NAT2: variants seen among roughly 807,000 people sequenced by gnomAD.
The protein encoded by NAT2 is arylamine N-acetyltransferase 2.
For missense variants in NAT2, 428 were observed against 339.1 expected (o/e 1.26, Z -2.06); for synonymous variants, 137 against 125.9 (o/e 1.09, Z -0.59).
upstream of NAT2, among the ~76,000 whole-genome samples, chr8:18,388,636 T>C (rs976108493): frequency 2.0e-5 from 3 of 152,132 alleles, no homozygotes; most frequent in Non-Finnish European, 2.9e-5. Flanking sequence ...CAGTCAATTA[T>C]CAAACTTTAG....
chr8:18,390,342 T>G (rs774930997), upstream of NAT2, among the ~76,000 whole-genome samples: 4 of 152,072 alleles, frequency 2.6e-5, no homozygotes, highest in Non-Finnish European at 4.4e-5. Flanking sequence ...AAGAGTAGAA[T>G]AGTTAGAGTA....
intron 1 of NAT2, among the ~76,000 whole-genome samples, chr8:18,391,841 A>G (rs959992823): frequency 3.9e-5 from 6 of 152,234 alleles, no homozygotes; most frequent in Non-Finnish European, 8.8e-5. Context: ...AGAGATATTT[A>G]CCATCTGTTT....
At chr8:18,388,553 A>T (rs375532307), upstream of NAT2, among the ~76,000 whole-genome samples, 19 of 148,220 alleles carry the variant, frequency 1.3e-4, no homozygotes, top group East Asian at 2.2e-3. Context: ...ACCCTTCTTC[A>T]GAGAAGATCA....
chr8:18,388,898 T>C (rs890120358), upstream of NAT2, among the ~76,000 whole-genome samples: 2 of 152,176 alleles, frequency 1.3e-5, no homozygotes, highest in African/African-American at 2.4e-5. Context: ...ATAAAAAACT[T>C]TGATGAAGTC....
intron 1 of NAT2, among the ~76,000 whole-genome samples, chr8:18,397,609 A>C (rs904772747): frequency 2.0e-5 from 3 of 152,204 alleles, no homozygotes; most frequent in Admixed American, 2.0e-4. Flanking sequence ...GTCTTTCTGG[A>C]AACTGAGCTT....
chr8:18,400,701 G>A lies in NAT2; in HGVS notation c.698G>A (p.Cys233Tyr). The A allele has an allele frequency of 5.6e-6, 9 of 1,613,826 alleles. No homozygotes were observed. The highest frequency in any genetic ancestry group is 7.6e-6 in the Non-Finnish European group (9 of 1,179,942). Reference protein sequence around the residue: ...CSLQTPEGVYCLVGFILTYRK... With the variant: ...CSLQTPEGVYYLVGFILTYRK... ...TTGCAGACCCCAGAAGGGGTTTACT[G>A]TTTGGTGGGCTTCATCCTCACCTAT... Residue 233 changes from cysteine (C) to tyrosine (Y), a missense_variant, in exon 2 of 2, where the codon TGT becomes TAT. Coordinates refer to ENST00000286479, the MANE Select transcript of NAT2 (RefSeq NM_000015.3).
rs55700793 is a variant in NAT2 at position 18,400,769 on chromosome 8, A to G, written c.766A>G (p.Lys256Glu). ...YKDNTDLVEF[K>E]TLTEEEVEEV... Reference sequence around the variant, plus strand: ...AGACAATACAGATCTGGTCGAGTTTAAAACTCTCACTGAGGAAGAGGTTGA... The same window carrying G: ...AGACAATACAGATCTGGTCGAGTTTGAAACTCTCACTGAGGAAGAGGTTGA... Residue 256 changes from lysine (K) to glutamate (E), a missense_variant, in exon 2 of 2, where the codon AAA becomes GAA. Lys to Glu is a moderately conservative substitution (Grantham distance 56). Transcript: ENST00000286479. The G allele has an allele frequency of 3.1e-4, 495 of 1,613,552 alleles. 2 individuals carry two copies. In the African/African-American group the frequency reaches 6.0e-3, roughly 20 times the overall value.
intron 1 of NAT2, among the ~76,000 whole-genome samples, chr8:18,396,350 A>T (rs1800689405): frequency 6.6e-6 from 1 of 152,218 alleles, no homozygotes; most frequent in Non-Finnish European, 1.5e-5. Flanking sequence ...CTTTTACAAG[A>T]TCAATGATCA....
rs375746304 is a variant in NAT2 at position 18,400,592 on chromosome 8, C to A, written c.589C>A (p.Arg197=). ...AATATACTTATTTACGCTTGAACCT[C>A]GAACAATTGAAGATTTTGAGTCTAT... is the stretch of plus-strand genomic sequence containing the variant. ...QKIYLFTLEP[R]TIEDFESMNT... The change falls in exon 2 of 2, where the codon CGA becomes AGA. Residue 197 remains arginine, a synonymous_variant. Transcript: ENST00000286479. 1.9e-6 allele frequency: 3 copies of A among 1,613,208 alleles called. No individual in the cohort carries two copies. The African/African-American group carries it at 4.0e-5, about 22-fold the overall frequency.
intron 1 of NAT2, among the ~76,000 whole-genome samples, chr8:18,391,728 ATGGTCT>A (rs1336651957): frequency 6.6e-6 from 1 of 152,194 alleles, no homozygotes; most frequent in African/African-American, 2.4e-5. Flanking sequence ...ACATATTGAA[ATGGTCT>A]TGCAAAACCA....
intron 1 of NAT2, among the ~76,000 whole-genome samples, chr8:18,398,176 C>A (rs531252800): frequency 2.6e-5 from 4 of 152,192 alleles, no homozygotes; most frequent in Non-Finnish European, 5.9e-5. Context: ...GGTATGGGCA[C>A]ATATAAAAAT....
Position 18,400,011 on chromosome 8 carries a change from T to C in NAT2, c.8T>C (p.Ile3Thr), listed in dbSNP as rs186884477. ...TTTCTTGCTTAGGGGATCATGGACA[T>C]TGAAGCATATTTTGAAAGAATTGGC... MD[I>T]EAYFERIGYK... is the part of the protein sequence containing the mutation. The change falls in exon 2 of 2, where the codon ATT (isoleucine) becomes ACT (threonine). Residue 3 changes from isoleucine (I) to threonine (T), a missense_variant. Transcript: ENST00000286479. The C allele has an allele frequency of 2.0e-5, 32 of 1,585,044 alleles. No individual in the cohort carries two copies. The highest frequency in any genetic ancestry group is 3.6e-5 in the Admixed American group (2 of 56,058).
chr8:18,398,372 G>A (rs1450179685), intron 1 of NAT2, among the ~76,000 whole-genome samples: 4 of 152,150 alleles, frequency 2.6e-5, no homozygotes, highest in Non-Finnish European at 5.9e-5. Context: ...TACACAGAAA[G>A]GGAGAGGGCA....
chr8:18,400,805 A>G lies in NAT2; in HGVS notation c.802A>G (p.Arg268Gly), dbSNP rs910738034. Residue 268 changes from arginine to glycine, a missense_variant, in exon 2 of 2, where the codon AGA becomes GGA. Arg to Gly is a moderately radical substitution (Grantham distance 125). Coordinates refer to ENST00000286479, the MANE Select transcript of NAT2 (RefSeq NM_000015.3). ...LTEEEVEEVL[R>G]NIFKISLGRN... ...TGAGGAAGAGGTTGAAGAAGTGCTG[A>G]GAAATATATTTAAGATTTCCTTGGG... 3.7e-6 allele frequency: 6 copies of G among 1,612,442 alleles called. No individual in the cohort carries two copies. The highest frequency in any genetic ancestry group is 5.1e-6 in the Non-Finnish European group (6 of 1,179,622).
chr8:18,387,418 C>T (rs141876364), upstream of NAT2: 2 of 153,396 alleles, frequency 1.3e-5, no homozygotes, highest in South Asian at 1.9e-4. Context: ...GTCCCGGCCC[C>T]GGAGTTCAGC....
At chr8:18,396,236 G>A (rs1279255742) in intron 1 of NAT2, among the ~76,000 whole-genome samples, 1 of 151,900 alleles carries the variant, frequency 6.6e-6, no homozygotes, top group Non-Finnish European at 1.5e-5. Flanking sequence ...TAAGGGCCTA[G>A]ATTCTGGCCC....
chr8:18,390,918 A>G (rs56293428), upstream of NAT2, among the ~76,000 whole-genome samples: 49 of 152,262 alleles, frequency 3.2e-4, 1 homozygote, highest in East Asian at 5.6e-3. Context: ...GAGTATGACT[A>G]AAACCTTTCA....
At chr8:18,398,274 G>A (rs62492997) in intron 1 of NAT2, among the ~76,000 whole-genome samples, 14,890 of 152,236 alleles carry the variant, frequency 0.098, 916 homozygotes, top group East Asian at 0.18. Flanking sequence ...TGACCTCTCT[G>A]AGCATGTACT....
chr8:18,395,779 T>C (rs148048627), intron 1 of NAT2, among the ~76,000 whole-genome samples: 109 of 152,220 alleles, frequency 7.2e-4, no homozygotes, highest in African/African-American at 2.5e-3. Flanking sequence ...CAAATTACAA[T>C]CACCAAACAG....
Sources: gnomAD v4.1 joint callset for allele counts (sites outside exome capture counted in the v4.1 genomes callset) on GRCh38, gnomAD v4.1.1 for gene constraint, MANE v1.5 for transcripts, NCBI Gene and HGNC (gene_info 2026-07-23, HGNC 2026-07-21) for gene names.